The following XKR6 variants were observed in gnomAD, a reference collection of about 807,000 sequenced individuals.
The protein encoded by XKR6 is XK related 6, also known as XK-related protein 6.
XKR6 carries 22 observed loss-of-function variants against 56.7 expected under a neutral mutation model. The observed-to-expected ratio is 0.39, with a 90% confidence interval of 0.28 to 0.55. The LOEUF (loss-of-function observed/expected upper bound fraction) is 0.55, where lower values mean the gene tolerates loss of function less well. XKR6 is among the 20% of genes least tolerant of loss of function. The pLI, the probability that XKR6 is intolerant of heterozygous loss-of-function variation, is 0.66. For missense variants in XKR6, 852 were observed against 889.0 expected (o/e 0.96, Z 0.53); for synonymous variants, 524 against 387.8 (o/e 1.35, Z -4.13).
At chr8:11,065,070 G>T (rs1034057453) in intron 1 of XKR6, among the ~76,000 whole-genome samples, 4 of 152,112 alleles carry the variant, frequency 2.6e-5, no homozygotes, top group Non-Finnish European at 4.4e-5. Flanking sequence ...AATCATTATT[G>T]TAAAAATAAA....
chr8:11,033,832 A>T (rs1049736839), intron 1 of XKR6, among the ~76,000 whole-genome samples: 12 of 152,182 alleles, frequency 7.9e-5, no homozygotes, highest in Non-Finnish European at 1.3e-4. Flanking sequence ...ACACATTTTA[A>T]ACAAGCTCCC....
At chr8:11,196,419 AAAAC>A (rs1181760841) in intron 1 of XKR6, among the ~76,000 whole-genome samples, 2 of 148,994 alleles carry the variant, frequency 1.3e-5, no homozygotes, top group African/African-American at 5.2e-5. Context: ...AAAAGCAAAC[AAAAC>A]AAAACAAAAC....
chr8:11,163,053 C>T (rs1455625921), intron 1 of XKR6, among the ~76,000 whole-genome samples: 1 of 152,106 alleles, frequency 6.6e-6, no homozygotes, highest in Admixed American at 6.5e-5. Flanking sequence ...TCTACTTGTA[C>T]AGGAAAACAA....
intron 1 of XKR6, among the ~76,000 whole-genome samples, chr8:10,961,561 G>A (rs1242371711): frequency 6.6e-6 from 1 of 152,182 alleles, no homozygotes; most frequent in Non-Finnish European, 1.5e-5. Flanking sequence ...AACCCAAAGA[G>A]AAATTCAGGA....
At chr8:10,917,285 C>G (rs1227520902) in intron 2 of XKR6, among the ~76,000 whole-genome samples, 1 of 152,166 alleles carries the variant, frequency 6.6e-6, no homozygotes, top group African/African-American at 2.4e-5. Context: ...TTCCTTCCCT[C>G]TCTGTGCTTC....
chr8:10,960,937 G>A (rs1450849299), intron 1 of XKR6, among the ~76,000 whole-genome samples: 2 of 152,236 alleles, frequency 1.3e-5, no homozygotes, highest in African/African-American at 2.4e-5. Flanking sequence ...ATGAAACAGG[G>A]AAGACAGGGA....
At chr8:10,965,234 C>A (rs973475815) in intron 1 of XKR6, among the ~76,000 whole-genome samples, 1 of 152,238 alleles carries the variant, frequency 6.6e-6, no homozygotes. Flanking sequence ...CTTCCCAGTT[C>A]GGCTCATCTG....
intron 1 of XKR6, among the ~76,000 whole-genome samples, chr8:11,171,784 G>C (rs1159297567): frequency 1.3e-5 from 2 of 152,066 alleles, no homozygotes; most frequent in Admixed American, 1.3e-4. Flanking sequence ...CAGGTGCAGT[G>C]ACTCACGCCT....
chr8:11,127,735 C>T (rs1799884052), intron 1 of XKR6, among the ~76,000 whole-genome samples: 1 of 152,174 alleles, frequency 6.6e-6, no homozygotes, highest in Admixed American at 6.5e-5. Flanking sequence ...TCCTTAATCA[C>T]CTCTGTAAAG....
intron 1 of XKR6, among the ~76,000 whole-genome samples, chr8:11,116,050 A>G (rs949065436): frequency 6.6e-6 from 1 of 152,242 alleles, no homozygotes; most frequent in African/African-American, 2.4e-5. Flanking sequence ...GTTTTAAGCA[A>G]ATCAATAAGC....
intron 1 of XKR6, among the ~76,000 whole-genome samples, chr8:10,951,836 C>A (rs983714394): frequency 6.6e-6 from 1 of 152,076 alleles, no homozygotes; most frequent in Admixed American, 6.5e-5. Flanking sequence ...AGTGGGGAGC[C>A]CGGACCAAGG....
intron 1 of XKR6, among the ~76,000 whole-genome samples, chr8:11,113,024 G>C (rs971227359): frequency 7.9e-5 from 12 of 152,250 alleles, no homozygotes; most frequent in African/African-American, 2.6e-4. Flanking sequence ...AAAAAATGAT[G>C]ATGTTTTCAG....
chr8:11,079,326 T>G (rs1003005958), intron 1 of XKR6, among the ~76,000 whole-genome samples: 34 of 152,278 alleles, frequency 2.2e-4, no homozygotes, highest in African/African-American at 7.7e-4. Context: ...CATTAAAGTA[T>G]GCTGAACAAT....
intron 1 of XKR6, among the ~76,000 whole-genome samples, chr8:11,022,403 T>G (rs1798768388): frequency 6.6e-6 from 1 of 152,138 alleles, no homozygotes; most frequent in Non-Finnish European, 1.5e-5. Flanking sequence ...AAAACTCTCT[T>G]GCTGTTCAAA....
intron 1 of XKR6, among the ~76,000 whole-genome samples, chr8:11,035,634 T>G (rs1216426147): frequency 1.3e-5 from 2 of 152,220 alleles, no homozygotes; most frequent in South Asian, 2.1e-4. Flanking sequence ...TATCCTGTTT[T>G]GCATGAATAA....
At chr8:11,129,152 A>C (rs900795277) in intron 1 of XKR6, 2 of 358,888 alleles carry the variant, frequency 5.6e-6, no homozygotes, top group Non-Finnish European at 1.1e-5. Flanking sequence ...TTTTGGAGTG[A>C]TGAAAACATT....
chr8:11,143,607 G>A (rs1800818260), intron 1 of XKR6, among the ~76,000 whole-genome samples: 1 of 152,176 alleles, frequency 6.6e-6, no homozygotes, highest in South Asian at 2.1e-4. Context: ...AATGTATGAT[G>A]GGGTGAAGGA....
At chr8:10,993,757 C>G (rs1413943793) in intron 1 of XKR6, among the ~76,000 whole-genome samples, 1 of 152,206 alleles carries the variant, frequency 6.6e-6, no homozygotes, top group Non-Finnish European at 1.5e-5. Context: ...CCTGCTCCTC[C>G]TCTGTGGTCC....
chr8:11,148,199 G>C (rs1307553040), intron 1 of XKR6, among the ~76,000 whole-genome samples: 6 of 152,124 alleles, frequency 3.9e-5, no homozygotes, highest in Non-Finnish European at 7.4e-5. Flanking sequence ...GACAGAGCAA[G>C]ACCCTGTCTC....
Sources: allele counts gnomAD v4.1 joint callset (sites outside exome capture counted in the v4.1 genomes callset), GRCh38; gene constraint gnomAD v4.1.1; transcripts MANE v1.5; gene names NCBI Gene and HGNC (gene_info 2026-07-23, HGNC 2026-07-21).